The following CCDC120 variants were observed in gnomAD, a reference collection of about 807,000 sequenced individuals.
CCDC120 encodes the protein coiled-coil domain containing 120, also known as coiled-coil domain-containing protein 120.
CCDC120 carries 16 observed loss-of-function variants against 37.6 expected under a neutral mutation model. The observed-to-expected ratio is 0.43, with a 90% confidence interval of 0.29 to 0.65. CCDC120 has a LOEUF of 0.65. CCDC120 is among the 30% of genes least tolerant of loss of function. CCDC120 has a pLI of 0.18. For missense variants in CCDC120, 650 were observed against 657.4 expected (o/e 0.99, Z 0.12); for synonymous variants, 309 against 275.4 (o/e 1.12, Z -1.21).
In CCDC120 at chrX:49,065,246, T is replaced by C. The variant is rs781853095; in HGVS notation, c.787+148T>C. ...TGCTTCAGCTTCTCCTTAGCCATGC[T>C]CCATCTTCCTATGGGTCCCCCATCT... On this transcript the variant is annotated intron_variant, in intron 7 of 10. Coordinates refer to ENST00000603986, the MANE Select transcript of CCDC120 (RefSeq NM_001163321.4). 2.5e-5 allele frequency: 18 copies of C among 707,368 alleles called. No individual in the cohort carries two copies. The African/African-American group carries it at 3.2e-4, about 13-fold the overall frequency. 58.3% of individuals were successfully genotyped at this position (707,368 alleles called of 1,213,427 possible).
chrX:49,066,845 A>G (rs1282073231), intron 9 of CCDC120: 3 of 245,631 alleles, frequency 1.2e-5, no homozygotes, highest in South Asian at 1.6e-4. Context: ...TAGCAGGGGG[A>G]GGGGTCAGCT....
Position 49,068,611 on chromosome X carries a change from G to A in CCDC120, c.2044G>A (p.Glu682Lys). 8.6e-7 allele frequency: 1 copy of A among 1,159,458 alleles called. No homozygotes were observed. ...TTTAAGTGACCTGACGCTAGAGGGG[G>A]AGCAGTCCTCCAGTTCTGACACCCA... ...ARLSDLTLEG[E>K]QSSSSDTQTP... Residue 682 changes from glutamate to lysine, a missense_variant, in exon 11 of 11, where the codon GAG becomes AAG. Glu to Lys is a moderately conservative substitution (Grantham distance 56). This residue lies in a region of CCDC120 where 576 missense variants were observed against 565.3 expected (regional missense o/e 1.02). Transcript: ENST00000603986.
Position 49,059,122 on chromosome X carries a change from G to A in CCDC120, c.-84+27G>A, listed in dbSNP as rs782261554. Reference sequence around the variant, plus strand: ...TGAGCACCTGGGAGCAGTGGGCCCAGGGTGCGAGGGGGATAAGGGCATTGG... The same window carrying A: ...TGAGCACCTGGGAGCAGTGGGCCCAAGGTGCGAGGGGGATAAGGGCATTGG... On this transcript the variant is annotated intron_variant, in intron 1 of 10. Coordinates refer to ENST00000603986, the MANE Select transcript of CCDC120 (RefSeq NM_001163321.4). 5 of 112,749 alleles carry A rather than the reference G, an allele frequency of 4.4e-5. No homozygotes were observed. The South Asian group carries it at 1.9e-3, about 42-fold the overall frequency. The allele number at this position is 112,749 out of a possible 1,213,427, so 9.3% of individuals were successfully genotyped here. A position where few individuals can be genotyped will look rare whatever the true frequency, so the allele number is the denominator to read the frequency against.
At chrX:49,065,881 G>A in intron 9 of CCDC120, 36 bp downstream of exon 9, 3 of 1,103,180 alleles carry the variant, frequency 2.7e-6, no homozygotes, top group Non-Finnish European at 3.7e-6. Context: ...GAGGATCAGA[G>A]GGGAGGGAAC....
chrX:49,059,513 C>G, intron 1 of CCDC120: 1 of 187,891 alleles, frequency 5.3e-6, no homozygotes, highest in Non-Finnish European at 8.2e-6. Flanking sequence ...ACCTGCCTGC[C>G]TATGCCTGAT....
At chrX:49,066,914 A>G in intron 9 of CCDC120, 1 of 362,846 alleles carries the variant, frequency 2.8e-6, no homozygotes, top group East Asian at 4.4e-5. Flanking sequence ...CTGAGTCCCT[A>G]CACAGATTTA....
At chrX:49,062,771 T>C (rs1040955852) in intron 4 of CCDC120, 170 bp downstream of exon 4, 1 of 556,344 alleles carries the variant, frequency 1.8e-6, no homozygotes, top group Non-Finnish European at 2.8e-6. Context: ...TTAGAATGAA[T>C]GAAATAGGCT....
At position 49,068,778 on chromosome X, in the gene CCDC120, A is replaced by C; in HGVS notation, c.*120A>C. ...GTCCTGAGCAGAGTGCGCCAACCTA[A>C]TCTTCCAAGGCCCCTGGCTCCCCGT... On this transcript the variant is annotated 3_prime_UTR_variant, in exon 11 of 11. Coordinates refer to ENST00000603986, the MANE Select transcript of CCDC120 (RefSeq NM_001163321.4). 1.4e-6 allele frequency: 1 copy of C among 696,377 alleles called. No homozygotes were observed. Among genetic ancestry groups the C allele is most frequent in the Non-Finnish European group, 1.9e-6 (1 of 528,273 alleles). 57.4% of individuals were successfully genotyped at this position (696,377 alleles called of 1,213,427 possible).
chrX:49,063,847 C>T lies in CCDC120; in HGVS notation c.289-14C>T. The T allele has an allele frequency of 1.7e-6, 2 of 1,196,437 alleles. No individual in the cohort carries two copies. The highest frequency in any genetic ancestry group is 1.8e-5 in the South Asian group (1 of 54,700). On this transcript the variant is annotated splice_polypyrimidine_tract_variant and intron_variant, in intron 4 of 10. Transcript: ENST00000603986. ...ACTAACCCTTGGTAGTCTCTGACCCCTGCCTCCCACCAGGAGCTGACTGGC... is the reference window on the plus strand; with the variant it reads ...ACTAACCCTTGGTAGTCTCTGACCCTTGCCTCCCACCAGGAGCTGACTGGC...
At chrX:49,065,178 C>T in intron 7 of CCDC120, 80 bp downstream of exon 7, 2 of 994,441 alleles carry the variant, frequency 2.0e-6, no homozygotes, top group Non-Finnish European at 2.8e-6. Flanking sequence ...CGACCACATC[C>T]TGCATGATCA....
chrX:49,067,311 G>A lies in CCDC120; in HGVS notation c.1197G>A (p.Leu399=), dbSNP rs1557081561. ...GCCGCAGCAACAGTTCTGAGGCCCT[G>A]CTGGTGGACCGGGCCGCTGGTGGGG... ...RTRRSNSSEA[L]LVDRAAGGGA... The change falls in exon 10 of 11, where the codon CTG becomes CTA. Residue 399 remains leucine (L), a synonymous_variant. Transcript: ENST00000603986. 8.3e-7 allele frequency: 1 copy of A among 1,210,178 alleles called. No homozygotes were observed. Among genetic ancestry groups the A allele is most frequent in the Admixed American group, 2.2e-5 (1 of 46,029 alleles).
chrX:49,063,420 C>G (rs2064912454), intron 4 of CCDC120, among the ~76,000 whole-genome samples: 1 of 110,821 alleles, frequency 9.0e-6, no homozygotes, highest in Non-Finnish European at 1.9e-5. Context: ...CCTCAGAAAA[C>G]AGGTTCTGTC....
chrX:49,064,431 C>T lies in CCDC120; in HGVS notation c.491C>T (p.Ala164Val). Residue 164 changes from alanine to valine, a missense_variant, in exon 6 of 11, where the codon GCC becomes GTC. Ala to Val is a moderately conservative substitution (Grantham distance 64, BLOSUM62 0). Coordinates refer to ENST00000603986, the MANE Select transcript of CCDC120 (RefSeq NM_001163321.4). ...GTGCAACAGCAGATCGCGGCGGCCG[C>T]CCGCCGCCTGGCCTTGGCCCCTGAT... Reference protein sequence around the residue: ...VSVQQQIAAAARRLALAPDLS... With the variant: ...VSVQQQIAAAVRRLALAPDLS... 8.5e-7 allele frequency: 1 copy of T among 1,176,293 alleles called. No homozygotes were observed. Among genetic ancestry groups the T allele is most frequent in the Non-Finnish European group, 1.1e-6 (1 of 878,877 alleles).
At chrX:49,063,300 C>T (rs1298303598) in intron 4 of CCDC120, among the ~76,000 whole-genome samples, 1 of 109,382 alleles carries the variant, frequency 9.1e-6, no homozygotes, top group Non-Finnish European at 1.9e-5. Flanking sequence ...TTGCGGTGAG[C>T]TGAGATTGCG....
At chrX:49,060,427 CAAAAAAAAAAAAAAAA>C (rs58827125) in intron 1 of CCDC120, among the ~76,000 whole-genome samples, 3 of 42,132 alleles carry the variant, frequency 7.1e-5, no homozygotes, top group African/African-American at 2.4e-4. Context: ...GCCCTATCTC[CAAAAAAAAAAAAAAAA>C]AAAAAAAAAA....
At chrX:49,054,749 C>T (rs1206248857), upstream of CCDC120, among the ~76,000 whole-genome samples, 1 of 110,599 alleles carries the variant, frequency 9.0e-6, no homozygotes, top group Non-Finnish European at 1.9e-5. Context: ...TATCCCATCC[C>T]CTGGCCAGTG....
chrX:49,059,481 A>G (rs1602513124), intron 1 of CCDC120: 2 of 334,405 alleles, frequency 6.0e-6, no homozygotes, highest in African/African-American at 5.7e-5. Flanking sequence ...AGACTGGGCT[A>G]CTAAGAAACC....
chrX:49,060,292 C>T (rs1018452764), intron 1 of CCDC120, among the ~76,000 whole-genome samples: 1 of 109,022 alleles, frequency 9.2e-6, no homozygotes, highest in East Asian at 2.9e-4. Context: ...GGCATGGTGG[C>T]GTGCACCTGT....
At position 49,067,568 on chromosome X, in the gene CCDC120, A is replaced by T; in HGVS notation, c.1454A>T (p.Asp485Val). The T allele has an allele frequency of 4.3e-6, 5 of 1,173,558 alleles. No individual in the cohort carries two copies. The Middle Eastern group carries it at 1.2e-3, about 282-fold the overall frequency. The change falls in exon 10 of 11, where the codon GAC becomes GTC. Residue 485 changes from aspartate (D) to valine (V), a missense_variant. By Grantham distance (152) the Asp-to-Val change is radical. Around this residue, in one of 3 missense-constraint regions of CCDC120, gnomAD observed 576 missense variants for 565.3 expected, o/e 1.02. Coordinates refer to ENST00000603986, the MANE Select transcript of CCDC120 (RefSeq NM_001163321.4). Reference sequence around the variant, plus strand: ...GACTTCCTCTTGGACTATTCCTTGGACCGGGGCCTGCCCCGCAGTGGCGGT... The same window carrying T: ...GACTTCCTCTTGGACTATTCCTTGGTCCGGGGCCTGCCCCGCAGTGGCGGT... ...CGDFLLDYSL[D>V]RGLPRSGGGT... is the part of the protein sequence containing the mutation.
Sources: allele counts gnomAD v4.1 joint callset (sites outside exome capture counted in the v4.1 genomes callset), GRCh38; gene constraint gnomAD v4.1.1; regional missense constraint gnomAD v4.1.1; transcripts MANE v1.5; gene names NCBI Gene and HGNC (gene_info 2026-07-23, HGNC 2026-07-21).